NDUFAF7: variants seen among roughly 807,000 people sequenced by gnomAD.
NDUFAF7 encodes NADH:ubiquinone oxidoreductase complex assembly factor 7, also known as protein arginine methyltransferase NDUFAF7, mitochondrial.
A neutral mutation model predicts 47.2 loss-of-function variants in NDUFAF7; 48 were observed. The ratio of observed to expected loss-of-function variants is 1.02; its 90% CI spans 0.81 to 1.29. The LOEUF (loss-of-function observed/expected upper bound fraction) is 1.29, where lower values mean the gene tolerates loss of function less well. Ranked by LOEUF, NDUFAF7 falls within the 50% of genes most tolerant of loss-of-function variation. The pLI, the probability that NDUFAF7 is intolerant of heterozygous loss-of-function variation, is 0.00. For synonymous variants in NDUFAF7, 217 were observed against 190.0 expected (o/e 1.14, Z -1.17); for missense variants, 635 against 537.6 (o/e 1.18, Z -1.79).
chr2:37,264,368 T>C, the NDUFAF7 span, among the ~76,000 whole-genome samples: 1 of 152,178 alleles, frequency 6.6e-6, no homozygotes, highest in Non-Finnish European at 1.5e-5. Flanking sequence ...CTGGATTCAT[T>C]ATTAAACAAA....
chr2:37,245,974 A>G, intron 7 of NDUFAF7, 78 bp from the exon 8 acceptor site: 1 of 1,493,728 alleles, frequency 6.7e-7, no homozygotes, highest in Non-Finnish European at 9.2e-7. Context: ...ATGCTCATTG[A>G]GGAAAAACCT....
At chr2:37,236,065 T>C in intron 2 of NDUFAF7, 31 bp from the exon 3 acceptor site, 1 of 1,545,352 alleles carries the variant, frequency 6.5e-7, no homozygotes, top group Non-Finnish European at 8.9e-7. Flanking sequence ...TGAAAATTAA[T>C]TTTGTTTCTC....
intron 2 of NDUFAF7, among the ~76,000 whole-genome samples, 198 bp from the exon 3 acceptor site, chr2:37,235,898 T>C (rs553040395): frequency 6.6e-6 from 1 of 152,200 alleles, no homozygotes; most frequent in South Asian, 2.1e-4. Context: ...GACTTCGTGA[T>C]CCACCCGTCT....
intron 3 of NDUFAF7, 74 bp downstream of exon 3, chr2:37,236,250 G>A: frequency 1.6e-6 from 2 of 1,285,574 alleles, no homozygotes; most frequent in Non-Finnish European, 2.3e-6. Context: ...TTATTCTGTA[G>A]TAGTGTTCTA....
At chr2:37,259,856 T>C in the NDUFAF7 span, among the ~76,000 whole-genome samples, 1 of 152,206 alleles carries the variant, frequency 6.6e-6, no homozygotes, top group Admixed American at 6.5e-5. Context: ...CATGTAAAAG[T>C]ACTGCTATTT....
downstream of NDUFAF7, among the ~76,000 whole-genome samples, chr2:37,250,125 TA>T (rs1279156724): frequency 1.3e-5 from 2 of 152,202 alleles, no homozygotes; most frequent in East Asian, 3.9e-4. Context: ...GGCTAGGACC[TA>T]AAAGATTAGA....
the NDUFAF7 span, chr2:37,268,710 G>T: frequency 1.5e-3 from 255 of 173,394 alleles, 1 homozygote; most frequent in African/African-American, 5.8e-3. Context: ...CAAAGGGATG[G>T]AGAAGGAGCA....
At chr2:37,259,135 G>GT in the NDUFAF7 span, among the ~76,000 whole-genome samples, 23 of 152,146 alleles carry the variant, frequency 1.5e-4, no homozygotes, top group Non-Finnish European at 3.1e-4. Flanking sequence ...GCCATTGTGT[G>GT]TATGTGTGGT....
At chr2:37,257,230 A>G (rs1668023038), downstream of NDUFAF7, among the ~76,000 whole-genome samples, 1 of 152,200 alleles carries the variant, frequency 6.6e-6, no homozygotes, top group Non-Finnish European at 1.5e-5. Context: ...CTTATGAAAT[A>G]GAGTATGCTG....
chr2:37,268,496 C>T, the NDUFAF7 span: 13 of 362,388 alleles, frequency 3.6e-5, no homozygotes, highest in Middle Eastern at 6.3e-4. Flanking sequence ...TCACAGCCAA[C>T]GCTCCAATAA....
In NDUFAF7 at chr2:37,231,698, A is replaced by G. The variant is rs1378631731; in HGVS notation, c.-8A>G. The G allele has an allele frequency of 1.2e-6, 2 of 1,614,038 alleles. No homozygotes were observed. Among genetic ancestry groups the G allele is most frequent in the African/African-American group, 1.3e-5 (1 of 74,914 alleles). ...CCTGGCGGAGCGAGCTAGCCTGCGA[A>G]TTTCAGCATGAGTGTACTGCTGAGG... On this transcript the variant is annotated 5_prime_UTR_variant, in exon 1 of 10. Transcript: ENST00000002125.
chr2:37,268,540 G>A, the NDUFAF7 span: 1 of 313,602 alleles, frequency 3.2e-6, no homozygotes, highest in Non-Finnish European at 6.2e-6. Context: ...TAAACCCAAA[G>A]GGTAATAGAT....
In NDUFAF7 at chr2:37,247,545, A is replaced by C. The variant is rs770059895; in HGVS notation, c.1026A>C (p.Arg342Ser). ...TADVDFSYLR[R>S]MAQGKVASLG... ...ATGTGGACTTCAGTTATTTGCGAAG[A>C]ATGGCACAGGGAAAAGTAGCCTCTC... Residue 342 changes from arginine to serine, a missense_variant, in exon 9 of 10, where the codon AGA becomes AGC. Coordinates refer to ENST00000002125, the MANE Select transcript of NDUFAF7 (RefSeq NM_144736.5). 43 of 1,614,006 alleles carry C rather than the reference A, an allele frequency of 2.7e-5. No individual in the cohort carries two copies. Among genetic ancestry groups the C allele is most frequent in the Non-Finnish European group, 9.3e-6 (11 of 1,180,008 alleles).
At chr2:37,256,771 C>T (rs1667986470), downstream of NDUFAF7, 2 of 1,612,882 alleles carry the variant, frequency 1.2e-6, no homozygotes, top group South Asian at 2.2e-5. Flanking sequence ...CACTGAGGCT[C>T]ACATAGATGA....
chr2:37,238,014 ATTAC>A lies in NDUFAF7; in HGVS notation c.408+153_408+156del, dbSNP rs36027292. On this transcript the variant is annotated intron_variant, in intron 4 of 9. Transcript: ENST00000002125. ...TAATGTCAGAATAATGTAATCAGTC[ATTAC>A]TTACTGTTGTCTGTAAACTTAAAAA... is the stretch of plus-strand genomic sequence containing the variant. 0.1 allele frequency: 69,583 copies of A among 689,630 alleles called. 5,987 individuals are homozygous for A. Among genetic ancestry groups the A allele is most frequent in the East Asian group, 0.34 (12,351 of 36,740 alleles). The allele number at this position is 689,630 out of a possible 1,614,324, so 42.7% of individuals were successfully genotyped here.
intron 2 of NDUFAF7, among the ~76,000 whole-genome samples, chr2:37,232,654 TAG>T (rs1665290712): frequency 6.6e-6 from 1 of 152,102 alleles, no homozygotes; most frequent in African/African-American, 2.4e-5. Flanking sequence ...GACTCTTAGG[TAG>T]AAATCTCCAA....
At position 37,243,903 on chromosome 2, in the gene NDUFAF7, A is replaced by T; in HGVS notation, c.722A>T (p.Asp241Val). ...QGWREVFVDI[D>V]PQVSDKLRFV... is the part of the protein sequence containing the mutation. ...TGGCGAGAAGTATTTGTTGACATTG[A>T]TCCACAGGTTTCTGATAAACTGAGG... Residue 241 changes from aspartate to valine, a missense_variant, in exon 7 of 10, where the codon GAT becomes GTT. Physicochemically the swap from Asp to Val is radical, Grantham distance 152. Coordinates refer to ENST00000002125, the MANE Select transcript of NDUFAF7 (RefSeq NM_144736.5). The T allele has an allele frequency of 6.2e-7, 1 of 1,614,084 alleles. No homozygotes were observed.
In NDUFAF7 at chr2:37,231,760, G is replaced by C; in HGVS notation, c.55G>C (p.Ala19Pro). The C allele has an allele frequency of 6.2e-7, 1 of 1,614,214 alleles. No homozygotes were observed. The highest frequency in any genetic ancestry group is 8.5e-7 in the Non-Finnish European group (1 of 1,180,026). ...GCCGTTGTGTGCCGTGGCGCGCGCA[G>C]GTAAGCGTCAGTCCCCTCGAAGCCC... Reference protein sequence around the residue: ...LGPLCAVARAAIPFIWRGKYF... With the variant: ...LGPLCAVARAPIPFIWRGKYF... The change falls in exon 1 of 10, where the codon GCC becomes CCC. Residue 19 changes from alanine (A) to proline (P), a missense_variant and splice_region_variant. Physicochemically the swap from Ala to Pro is conservative, Grantham distance 27 (BLOSUM62 -1). Transcript: ENST00000002125.
Position 37,243,919 on chromosome 2 carries a change from T to A in NDUFAF7, c.738T>A (p.Asp246Glu). Residue 246 changes from aspartate to glutamate, a missense_variant, in exon 7 of 10, where the codon GAT (aspartate) becomes GAA (glutamate). Physicochemically the swap from Asp to Glu is conservative, Grantham distance 45. Coordinates refer to ENST00000002125, the MANE Select transcript of NDUFAF7 (RefSeq NM_144736.5). Reference protein sequence around the residue: ...VFVDIDPQVSDKLRFVLAPSA... With the variant: ...VFVDIDPQVSEKLRFVLAPSA... ...TTGACATTGATCCACAGGTTTCTGATAAACTGAGGTTTGTTTTGGCACCTT... is the reference window on the plus strand; with the variant it reads ...TTGACATTGATCCACAGGTTTCTGAAAAACTGAGGTTTGTTTTGGCACCTT... 6.2e-7 allele frequency: 1 copy of A among 1,614,134 alleles called. No homozygotes were observed.
Sources: gnomAD v4.1 joint callset for allele counts (sites outside exome capture counted in the v4.1 genomes callset) on GRCh38, gnomAD v4.1.1 for gene constraint, MANE v1.5 for transcripts, NCBI Gene and HGNC (gene_info 2026-07-23, HGNC 2026-07-21) for gene names.